The following RAD51B variants were observed in gnomAD, a reference collection of about 807,000 sequenced individuals.
RAD51B encodes RAD51 paralog B.
In RAD51B, 38 loss-of-function variants were observed where a neutral mutation model predicts 42.2. The observed-to-expected ratio is 0.90, with a 90% CI of 0.70 to 1.18. The LOEUF is 1.18. Ranked by LOEUF, RAD51B falls within the 50% of genes most tolerant of loss-of-function variation. The probability of loss-of-function intolerance (pLI) is 0.00; values close to 1 mark genes in which losing one functional copy is unlikely to be tolerated. For missense variants in RAD51B, 373 were observed against 400.7 expected, an observed-to-expected ratio of 0.93 and a Z score of 0.59; for synonymous variants, 154 against 145.2, an observed-to-expected ratio of 1.06 and a Z score of -0.43.
downstream of RAD51B, among the ~76,000 whole-genome samples, chr14:68,480,370 T>C (rs1044640066): frequency 2.6e-5 from 4 of 152,150 alleles, no homozygotes; most frequent in African/African-American, 7.2e-5. Flanking sequence ...AGCCCGGCCT[T>C]CTCTTGTAAA....
At chr14:68,570,255 G>T (rs573302914) in intron 10 of RAD51B, among the ~76,000 whole-genome samples, 11 of 152,164 alleles carry the variant, frequency 7.2e-5, no homozygotes, top group Non-Finnish European at 1.6e-4. Context: ...GGGCTGTCCT[G>T]CCTGGAATCA....
chr14:68,524,481 C>T (rs986376239), intron 10 of RAD51B, among the ~76,000 whole-genome samples: 1 of 152,152 alleles, frequency 6.6e-6, no homozygotes, highest in African/African-American at 2.4e-5. Flanking sequence ...ATTGTGAGTT[C>T]TACGCTGCTG....
intron 7 of RAD51B, among the ~76,000 whole-genome samples, chr14:68,043,763 G>A (rs575113385): frequency 6.6e-6 from 1 of 152,266 alleles, no homozygotes; most frequent in East Asian, 1.9e-4. Flanking sequence ...CTCTTCTGAA[G>A]AAATAGATTG....
intron 8 of RAD51B, among the ~76,000 whole-genome samples, chr14:68,341,173 C>T (rs893345917): frequency 1.3e-5 from 2 of 152,078 alleles, no homozygotes; most frequent in Non-Finnish European, 2.9e-5. Flanking sequence ...AACTGTATTT[C>T]AGTAATGTGT....
chr14:67,926,178 G>A (rs1424195167), intron 7 of RAD51B, among the ~76,000 whole-genome samples: 1 of 152,082 alleles, frequency 6.6e-6, no homozygotes, highest in Non-Finnish European at 1.5e-5. Context: ...CTTTTCTATC[G>A]CATTGCCAGG....
chr14:68,303,631 A>G (rs1038893281), intron 8 of RAD51B, among the ~76,000 whole-genome samples: 1 of 152,136 alleles, frequency 6.6e-6, no homozygotes, highest in Admixed American at 6.5e-5. Flanking sequence ...GGTTAGCCCT[A>G]AACTTCTTAA....
chr14:68,401,095 C>G (rs17828548), intron 8 of RAD51B, among the ~76,000 whole-genome samples: 1 of 152,058 alleles, frequency 6.6e-6, no homozygotes, highest in South Asian at 2.1e-4. Flanking sequence ...CCTTGATGAT[C>G]GACACTGCAG....
In RAD51B at chr14:67,920,564, A is replaced by G. The variant is rs982629363; in HGVS notation, c.756+33360A>G. On this transcript the variant is annotated intron_variant, in intron 7 of 10. Coordinates refer to ENST00000471583, the MANE Select transcript of RAD51B (RefSeq NM_133510.4). Reference sequence around the variant, plus strand: ...CCATAAAGAAAAACTTCAAGAGGAGAAAAAGGTAATCTAAATGCATATTAT... The same window carrying G: ...CCATAAAGAAAAACTTCAAGAGGAGGAAAAGGTAATCTAAATGCATATTAT... Among the ~76,000 whole-genome samples the G allele has an allele frequency of 8.1e-4, 123 of 152,308 alleles. 1 individual carries two copies. Among genetic ancestry groups the G allele is most frequent in the African/African-American group, 2.9e-3 (121 of 41,574 alleles).
intron 7 of RAD51B, among the ~76,000 whole-genome samples, chr14:67,940,050 ATATATTTTTTTTTTTTTTTTTTTTT>A (rs1363604551): frequency 7.2e-5 from 1 of 13,886 alleles, no homozygotes; most frequent in African/African-American, 1.7e-4. Context: ...ATATATATAT[ATATATTTTTTTTTTTTTTTTTTTTT>A]TTTTTTTTTT....
intron 11 of RAD51B, among the ~76,000 whole-genome samples, chr14:68,662,292 A>T (rs989128927): frequency 6.6e-6 from 1 of 152,204 alleles, no homozygotes; most frequent in African/African-American, 2.4e-5. Flanking sequence ...ATAAAATTCC[A>T]TTTGTTTAGC....
chr14:68,286,375 C>T (rs977861573), intron 7 of RAD51B, among the ~76,000 whole-genome samples: 3 of 152,292 alleles, frequency 2.0e-5, no homozygotes, highest in Non-Finnish European at 2.9e-5. Context: ...TTTTAAATAT[C>T]GAATAATTAT....
intron 10 of RAD51B, among the ~76,000 whole-genome samples, chr14:68,570,612 G>A (rs1474992631): frequency 6.6e-6 from 1 of 152,148 alleles, no homozygotes; most frequent in Admixed American, 6.5e-5. Flanking sequence ...CAGGAGGGGG[G>A]TCCAGTGCCC....
intron 7 of RAD51B, among the ~76,000 whole-genome samples, chr14:68,025,013 A>G (rs890241168): frequency 2.6e-5 from 4 of 151,846 alleles, no homozygotes; most frequent in Non-Finnish European, 5.9e-5. Flanking sequence ...ATTTTGAAGT[A>G]TATTCCTTTG....
chr14:68,008,984 C>T (rs923329990), intron 7 of RAD51B, among the ~76,000 whole-genome samples: 2 of 151,930 alleles, frequency 1.3e-5, no homozygotes, highest in Non-Finnish European at 2.9e-5. Flanking sequence ...ACTCTGATCT[C>T]CTTAGAAACC....
At chr14:68,507,004 A>G (rs1161949959) in intron 10 of RAD51B, among the ~76,000 whole-genome samples, 1 of 152,066 alleles carries the variant, frequency 6.6e-6, no homozygotes, top group Non-Finnish European at 1.5e-5. Flanking sequence ...TTGTTTATAC[A>G]GGACACAAGA....
chr14:68,352,592 T>C (rs1188003515), intron 8 of RAD51B, among the ~76,000 whole-genome samples: 2 of 152,240 alleles, frequency 1.3e-5, no homozygotes. Flanking sequence ...CAATAGGACC[T>C]TGAGGTGTTA....
At chr14:67,854,687 G>T (rs757988400) in intron 4 of RAD51B, among the ~76,000 whole-genome samples, 4 of 151,668 alleles carry the variant, frequency 2.6e-5, no homozygotes, top group Non-Finnish European at 4.4e-5. Flanking sequence ...TTTCAGCTAG[G>T]TGTGGTGGCT....
At chr14:68,191,052 A>T (rs1182777797) in intron 7 of RAD51B, among the ~76,000 whole-genome samples, 1 of 152,150 alleles carries the variant, frequency 6.6e-6, no homozygotes, top group Non-Finnish European at 1.5e-5. Flanking sequence ...AAAAAAAGAG[A>T]CAATATCCTT....
chr14:68,480,939 T>C (rs1883130240), downstream of RAD51B, among the ~76,000 whole-genome samples: 1 of 152,102 alleles, frequency 6.6e-6, no homozygotes. Flanking sequence ...TGCCAGCTCT[T>C]GGGGGGTTTA....
Sources: gnomAD v4.1 joint callset for allele counts (sites outside exome capture counted in the v4.1 genomes callset) on GRCh38, gnomAD v4.1.1 for gene constraint, MANE v1.5 for transcripts, NCBI Gene and HGNC (gene_info 2026-07-23, HGNC 2026-07-21) for gene names.